Variants in RNASEH2B observed in about 807,000 individuals in gnomAD.
RNASEH2B encodes the protein Aicardi-Goutieres syndrome 2 protein.
Under a neutral mutation model 45.0 loss-of-function variants are expected in RNASEH2B, and 36 were observed. That is an observed-to-expected ratio of 0.80 (90% CI 0.61 to 1.06). The LOEUF is 1.06. Ranked by LOEUF, RNASEH2B falls within the 50% of genes least tolerant of loss-of-function variation. The pLI, the probability that RNASEH2B is intolerant of heterozygous loss-of-function variation, is 0.00. For missense variants in RNASEH2B, 361 were observed against 360.3 expected (o/e 1.00, Z -0.02); for synonymous variants, 119 against 125.7 (o/e 0.95, Z 0.35).
At position 50,956,450 on chromosome 13, in the gene RNASEH2B, TAAA is replaced by T. The variant is rs75254367; in HGVS notation, c.923_925del (p.Lys308del). 1.4e-6 allele frequency: 2 copies of T among 1,461,234 alleles called. No individual in the cohort carries two copies. The highest frequency in any genetic ancestry group is 1.8e-4 in the Middle Eastern group (1 of 5,598). 90.5% of individuals were successfully genotyped at this position (1,461,234 alleles called of 1,614,324 possible). ...TTGATACCTTTTTTGGGGTAAAAAA[TAAA>T]AAAAAAATTGGAAAGGTTTGAAACT... On this transcript the variant is annotated inframe_deletion, in exon 11 of 11. Coordinates refer to ENST00000336617, the MANE Select transcript of RNASEH2B (RefSeq NM_024570.4).
downstream of RNASEH2B, among the ~76,000 whole-genome samples, chr13:50,961,463 G>T (rs1418870087): frequency 6.6e-6 from 1 of 151,976 alleles, no homozygotes; most frequent in African/African-American, 2.4e-5. Flanking sequence ...TGCTCATGTT[G>T]TTTCAGAAGA....
intron 1 of RNASEH2B, among the ~76,000 whole-genome samples, chr13:50,923,591 A>G (rs763790382): frequency 6.6e-6 from 1 of 152,176 alleles, no homozygotes; most frequent in Non-Finnish European, 1.5e-5. Context: ...TTACCTTTCA[A>G]AAATTAGGAA....
intron 5 of RNASEH2B, chr13:50,942,516 G>A (rs1301237518): frequency 1.3e-5 from 2 of 151,806 alleles, no homozygotes; most frequent in African/African-American, 4.8e-5. Flanking sequence ...CCTGCATTTC[G>A]TTTCAATTTT....
At chr13:50,924,157 AATCCTACCTT>A (rs945084104) in intron 1 of RNASEH2B, among the ~76,000 whole-genome samples, 11 of 152,344 alleles carry the variant, frequency 7.2e-5, no homozygotes, top group East Asian at 1.9e-4. Flanking sequence ...GGCAGATGTA[AATCCTACCTT>A]ATCCTACCTT....
intron 1 of RNASEH2B, among the ~76,000 whole-genome samples, chr13:50,919,755 C>G (rs1412371929): frequency 1.3e-5 from 2 of 152,132 alleles, no homozygotes; most frequent in Admixed American, 1.3e-4. Flanking sequence ...AATCCTGGCT[C>G]TATAGTTGAC....
At chr13:50,920,392 T>C (rs1017542912) in intron 1 of RNASEH2B, among the ~76,000 whole-genome samples, 13 of 152,178 alleles carry the variant, frequency 8.5e-5, no homozygotes, top group African/African-American at 2.9e-4. Context: ...GAGTTAATGG[T>C]GACCGGTGGG....
chr13:50,922,054 T>C (rs921475883), intron 1 of RNASEH2B, among the ~76,000 whole-genome samples: 2 of 152,184 alleles, frequency 1.3e-5, no homozygotes, highest in African/African-American at 2.4e-5. Flanking sequence ...TTCTCACAGC[T>C]CCTTGGAAAA....
chr13:50,970,059 T>C, exon 10 of RNASEH2B: 1 of 1,202,864 alleles, frequency 8.3e-7, no homozygotes, highest in East Asian at 2.5e-5. Context: ...TTTTGGAAAA[T>C]CGCCAGGTGC....
intron 9 of RNASEH2B, 76 bp from the exon 10 acceptor site, chr13:50,953,829 T>G: frequency 7.2e-6 from 7 of 968,882 alleles, no homozygotes; most frequent in East Asian, 2.5e-5. Flanking sequence ...AAATTATACA[T>G]GTTGGGTTTT....
intron 2 of RNASEH2B, 51 bp downstream of exon 2, chr13:50,927,529 G>A: frequency 8.9e-7 from 1 of 1,121,716 alleles, no homozygotes; most frequent in Admixed American, 1.7e-5. Flanking sequence ...TGGCTAATGA[G>A]TATATACACT....
intron 1 of RNASEH2B, among the ~76,000 whole-genome samples, chr13:50,915,829 C>G (rs1412550666): frequency 6.6e-6 from 1 of 152,244 alleles, no homozygotes; most frequent in Non-Finnish European, 1.5e-5. Context: ...GTTTCATTAT[C>G]TGTCCCCGAA....
intron 5 of RNASEH2B, among the ~76,000 whole-genome samples, chr13:50,940,584 T>G (rs1951821826): frequency 6.6e-6 from 1 of 152,182 alleles, no homozygotes; most frequent in African/African-American, 2.4e-5. Flanking sequence ...AAGGCCAGTG[T>G]GAGCACTGGC....
chr13:50,939,286 G>A (rs1202548365), intron 5 of RNASEH2B: 3 of 152,194 alleles, frequency 2.0e-5, no homozygotes, highest in Non-Finnish European at 4.4e-5. Context: ...GAACCCAGGA[G>A]GCAGAGCTTG....
intron 3 of RNASEH2B, chr13:50,930,130 G>A (rs10400653): frequency 0.19 from 40,705 of 212,104 alleles, 4,369 homozygotes; most frequent in African/African-American, 0.3. Context: ...GTAGGCCAAC[G>A]GAACTGTTCT....
chr13:50,924,121 A>G (rs1183348714), intron 1 of RNASEH2B, among the ~76,000 whole-genome samples: 1 of 152,230 alleles, frequency 6.6e-6, no homozygotes, highest in African/African-American at 2.4e-5. Flanking sequence ...CCAAAGGAAT[A>G]TGACATACAG....
At chr13:50,926,305 T>C (rs1951595103) in intron 1 of RNASEH2B, among the ~76,000 whole-genome samples, 2 of 152,192 alleles carry the variant, frequency 1.3e-5, no homozygotes, top group Non-Finnish European at 2.9e-5. Context: ...GTGGGGGCCA[T>C]AGAAAAATAA....
At chr13:50,914,975 C>T (rs1879653375) in intron 1 of RNASEH2B, among the ~76,000 whole-genome samples, 1 of 152,144 alleles carries the variant, frequency 6.6e-6, no homozygotes, top group East Asian at 1.9e-4. Flanking sequence ...TAGATTTATG[C>T]TATTTATTAG....
intron 1 of RNASEH2B, among the ~76,000 whole-genome samples, chr13:50,926,320 G>A (rs1295910498): frequency 6.6e-6 from 1 of 152,118 alleles, no homozygotes; most frequent in Admixed American, 6.6e-5. Flanking sequence ...AAATAAAAGA[G>A]AGTAAAATCT....
intron 2 of RNASEH2B, chr13:50,928,346 G>A (rs1951629626): frequency 6.6e-6 from 1 of 152,130 alleles, no homozygotes; most frequent in East Asian, 1.9e-4. Flanking sequence ...ACACATTCCT[G>A]ACTTTCTCCA....
Sources: allele counts gnomAD v4.1 joint callset (sites outside exome capture counted in the v4.1 genomes callset), GRCh38; gene constraint gnomAD v4.1.1; transcripts MANE v1.5; gene names NCBI Gene and HGNC (gene_info 2026-07-23, HGNC 2026-07-21).